CRYZ: variants seen among roughly 807,000 people sequenced by gnomAD.
The protein encoded by CRYZ is crystallin zeta, also known as zeta-crystallin.
In CRYZ, 35 loss-of-function variants were observed where a neutral mutation model predicts 34.1. That is an observed-to-expected ratio of 1.03 (90% CI 0.78 to 1.36). CRYZ has a LOEUF of 1.36. Ranked by LOEUF, CRYZ falls within the 40% of genes most tolerant of loss-of-function variation. The probability of loss-of-function intolerance (pLI) is 0.00; values close to 1 mark genes in which losing one functional copy is unlikely to be tolerated. For synonymous variants in CRYZ, 137 were observed against 136.5 expected, an observed-to-expected ratio of 1.00 and a Z score of -0.03; for missense variants, 403 against 391.8, an observed-to-expected ratio of 1.03 and a Z score of -0.24.
rs1557720121 is a variant in CRYZ at position 74,707,095 on chromosome 1, A to G, written c.732+8T>C. 6.4e-7 allele frequency: 1 copy of G among 1,560,610 alleles called. No homozygotes were observed. Among genetic ancestry groups the G allele is most frequent in the Admixed American group, 1.9e-5 (1 of 51,812 alleles). The stretch of plus-strand genomic sequence containing the variant: ...GGTAAAAAAAAAAAAAAGAAAAGGA[A>G]TACTTACTATCACTCGTCCTCCATG... On this transcript the variant is annotated splice_region_variant and intron_variant, in intron 7 of 8. Transcript: ENST00000340866.
chr1:74,730,188 T>A (rs955611439), intron 1 of CRYZ, among the ~76,000 whole-genome samples: 3 of 152,154 alleles, frequency 2.0e-5, no homozygotes, highest in African/African-American at 7.2e-5. Flanking sequence ...AGATGACTCA[T>A]CCTACTGGAT....
chr1:74,711,573 C>T (rs964752839), intron 5 of CRYZ, among the ~76,000 whole-genome samples: 2 of 152,172 alleles, frequency 1.3e-5, no homozygotes, highest in Non-Finnish European at 2.9e-5. Flanking sequence ...CTGGAGAACA[C>T]TAAGTTTGTG....
rs1490924210 is a variant in CRYZ at position 74,719,352 on chromosome 1, A to G, written c.285T>C (p.Thr95=). The change falls in exon 4 of 9, where the codon ACT becomes ACC. Residue 95 remains threonine, a synonymous_variant. Transcript: ENST00000340866. ...CATAACCCCCAGAGATCGTGCTGCTAGTGAAAACTCTGTCACCTTTCTAGG... is the reference window on the plus strand; with the variant it reads ...CATAACCCCCAGAGATCGTGCTGCTGGTGAAAACTCTGTCACCTTTCTAGG... The part of the protein sequence containing the change: ...SAFKKGDRVF[T]SSTISGGYAE... 1 of 1,611,482 alleles carries G rather than the reference A, an allele frequency of 6.2e-7. No individual in the cohort carries two copies. Among genetic ancestry groups the G allele is most frequent in the Non-Finnish European group, 8.5e-7 (1 of 1,177,826 alleles).
intron 5 of CRYZ, among the ~76,000 whole-genome samples, chr1:74,711,514 A>G (rs981809560): frequency 2.6e-4 from 40 of 152,364 alleles, no homozygotes; most frequent in African/African-American, 8.7e-4. Context: ...AGAAAAATAC[A>G]GGCTGTCTCC....
chr1:74,725,096 A>G (rs1470023889), intron 1 of CRYZ, among the ~76,000 whole-genome samples: 2 of 152,228 alleles, frequency 1.3e-5, no homozygotes, highest in Non-Finnish European at 2.9e-5. Context: ...ATCTGGATAG[A>G]CATAGCATGA....
At chr1:74,728,887 A>C (rs1365820130) in intron 1 of CRYZ, among the ~76,000 whole-genome samples, 2 of 152,214 alleles carry the variant, frequency 1.3e-5, no homozygotes, top group Non-Finnish European at 2.9e-5. Flanking sequence ...CTACGGCATA[A>C]ACACTGCACT....
At chr1:74,725,078 A>G (rs1647266509) in intron 1 of CRYZ, among the ~76,000 whole-genome samples, 1 of 152,228 alleles carries the variant, frequency 6.6e-6, no homozygotes, top group South Asian at 2.1e-4. Flanking sequence ...AAACATGCAA[A>G]CAAAAACATC....
intron 1 of CRYZ, among the ~76,000 whole-genome samples, chr1:74,727,345 A>G (rs1227850985): frequency 2.0e-5 from 3 of 149,994 alleles, no homozygotes; most frequent in Non-Finnish European, 4.5e-5. Context: ...CAAAGGCACA[A>G]CTTGCATGGT....
rs1382406903 is a variant in CRYZ at position 74,723,411 on chromosome 1, A to G, written c.112-141T>C. The G allele has an allele frequency of 2.2e-5, 16 of 720,282 alleles. No individual in the cohort carries two copies. The East Asian group carries it at 4.2e-4, about 19-fold the overall frequency. 44.6% of individuals were successfully genotyped at this position (720,282 alleles called of 1,614,324 possible). On this transcript the variant is annotated intron_variant, in intron 2 of 8. Coordinates refer to ENST00000340866, the MANE Select transcript of CRYZ (RefSeq NM_001889.4). ...AAGTGCTTGCCTTCAACAAGCTCAC[A>G]TTCCAAGTTTTACAAGCTAACATAA...
chr1:74,732,507 G>A (rs939237122), intron 1 of CRYZ, among the ~76,000 whole-genome samples: 39 of 152,084 alleles, frequency 2.6e-4, no homozygotes, highest in African/African-American at 8.7e-4. Context: ...CTGGGCTGTG[G>A]GAAGGGGCCC....
At chr1:74,713,422 A>G (rs1313695451) in intron 5 of CRYZ, among the ~76,000 whole-genome samples, 1 of 152,176 alleles carries the variant, frequency 6.6e-6, no homozygotes, top group East Asian at 1.9e-4. Context: ...ACCCAAAAAT[A>G]GCCTCTTCAG....
At chr1:74,709,997 C>A in intron 6 of CRYZ, 101 bp downstream of exon 6, 3 of 930,300 alleles carry the variant, frequency 3.2e-6, no homozygotes, top group Admixed American at 2.8e-5. Flanking sequence ...AAAAAGGAAG[C>A]AAACAGCTTT....
intron 5 of CRYZ, among the ~76,000 whole-genome samples, chr1:74,713,507 T>C (rs1235474326): frequency 6.6e-6 from 1 of 152,166 alleles, no homozygotes; most frequent in Non-Finnish European, 1.5e-5. Flanking sequence ...ACAATCCTAG[T>C]GTTTTTTCAT....
At chr1:74,727,197 A>G (rs1647391646) in intron 1 of CRYZ, among the ~76,000 whole-genome samples, 1 of 79,836 alleles carries the variant, frequency 1.3e-5, no homozygotes, top group Non-Finnish European at 4.2e-5. Flanking sequence ...CTCTAATGGT[A>G]CCTATTTACC....
At position 74,719,227 on chromosome 1, in the gene CRYZ, T is replaced by C. The variant is rs1451320892; in HGVS notation, c.410A>G (p.Tyr137Cys). Residue 137 changes from tyrosine to cysteine, a missense_variant, in exon 4 of 9, where the codon TAT becomes TGT. Tyr to Cys is a radical substitution (Grantham distance 194, BLOSUM62 -2). Coordinates refer to ENST00000340866, the MANE Select transcript of CRYZ (RefSeq NM_001889.4). ...AAIGIPYFTAYRALIHSACVK... is the reference protein window; with the variant it reads ...AAIGIPYFTACRALIHSACVK... ...TTATTACCTGTGGATCAGAGCTCGA[T>C]AAGCAGTAAAATATGGAATGCCGAT... 9 of 1,613,662 alleles carry C rather than the reference T, an allele frequency of 5.6e-6. No homozygotes were observed. Among genetic ancestry groups the C allele is most frequent in the Non-Finnish European group, 6.8e-6 (8 of 1,179,732 alleles).
chr1:74,722,713 TC>T (rs1352734059), intron 3 of CRYZ, among the ~76,000 whole-genome samples: 1 of 152,128 alleles, frequency 6.6e-6, no homozygotes, highest in Admixed American at 6.6e-5. Context: ...TACTTATTTT[TC>T]AAAAGAATTA....
rs140443058 is a variant in CRYZ, at chr1:74,723,218, C to A, written c.164G>T (p.Arg55Leu). The change falls in exon 3 of 9, where the codon CGC (arginine) becomes CTC (leucine). Residue 55 changes from arginine to leucine, a missense_variant. Coordinates refer to ENST00000340866, the MANE Select transcript of CRYZ (RefSeq NM_001889.4). Reference protein sequence around the residue: ...CGVNPVETYIRSGTYSRKPLL... With the variant: ...CGVNPVETYILSGTYSRKPLL... ...TGGTTTTCTACTATAAGTACCAGAG[C>A]GAATGTATGTCTCCACGGGGTTGAC... The A allele has an allele frequency of 1.4e-5, 23 of 1,613,822 alleles. No individual in the cohort carries two copies. The highest frequency in any genetic ancestry group is 3.3e-4 in the Middle Eastern group (2 of 6,084).
chr1:74,709,697 C>G (rs1473764007), intron 6 of CRYZ, among the ~76,000 whole-genome samples: 7 of 152,176 alleles, frequency 4.6e-5, no homozygotes, highest in African/African-American at 4.8e-5. Flanking sequence ...ACTTTATTCC[C>G]TGGGCCACAC....
At chr1:74,711,293 G>A (rs1315870501) in intron 5 of CRYZ, among the ~76,000 whole-genome samples, 1 of 152,188 alleles carries the variant, frequency 6.6e-6, no homozygotes, top group Non-Finnish European at 1.5e-5. Context: ...GCTTTAAAAA[G>A]GTTGCTCCAA....
Sources: gnomAD v4.1 joint callset for allele counts (sites outside exome capture counted in the v4.1 genomes callset) on GRCh38, gnomAD v4.1.1 for gene constraint, MANE v1.5 for transcripts, NCBI Gene and HGNC (gene_info 2026-07-23, HGNC 2026-07-21) for gene names.